Variants in DENND2C observed in about 807,000 individuals in gnomAD.
DENND2C encodes DENN domain containing 2C.
DENND2C carries 72 observed loss-of-function variants against 112.4 expected under a neutral mutation model. That is an observed-to-expected ratio of 0.64 (90% CI 0.53 to 0.78). The LOEUF is 0.78. Ranked by LOEUF, DENND2C falls within the 30% of genes least tolerant of loss-of-function variation. The pLI is 0.00. For missense variants in DENND2C, 992 were observed against 1,113.8 expected (o/e 0.89, Z 1.56); for synonymous variants, 329 against 381.6 (o/e 0.86, Z 1.61).
chr1:114,663,593 G>A (rs532869703), intron 1 of DENND2C, among the ~76,000 whole-genome samples: 2 of 152,288 alleles, frequency 1.3e-5, no homozygotes, highest in South Asian at 2.1e-4. Flanking sequence ...GATCCGTTAA[G>A]GTTGGCAGAC....
intron 6 of DENND2C, 24 bp from the exon 7 acceptor site, chr1:114,622,089 G>C (rs1299447608): frequency 1.3e-6 from 2 of 1,501,864 alleles, no homozygotes; most frequent in African/African-American, 2.8e-5. Context: ...AGATGTACTG[G>C]TAAGATCACC....
intron 1 of DENND2C, among the ~76,000 whole-genome samples, chr1:114,666,502 C>A (rs1053553064): frequency 6.6e-6 from 1 of 152,142 alleles, no homozygotes; most frequent in African/African-American, 2.4e-5. Context: ...TGTTGCCAGG[C>A]TGGAGTGCAG....
At chr1:114,669,423 C>CA (rs2101705745) in intron 1 of DENND2C, among the ~76,000 whole-genome samples, 1 of 152,302 alleles carries the variant, frequency 6.6e-6, no homozygotes, top group Admixed American at 6.5e-5. Context: ...AGCTGCTATA[C>CA]AGCTCTAGTT....
chr1:114,654,948 T>C (rs940019872), intron 1 of DENND2C, among the ~76,000 whole-genome samples, 187 bp from the exon 2 acceptor site: 4 of 152,142 alleles, frequency 2.6e-5, no homozygotes, highest in African/African-American at 9.7e-5. Flanking sequence ...ACGCTCTATT[T>C]AAGCAGCCTT....
intron 11 of DENND2C, among the ~76,000 whole-genome samples, chr1:114,603,847 C>T (rs908058999): frequency 5.3e-5 from 8 of 152,106 alleles, no homozygotes; most frequent in Non-Finnish European, 8.8e-5. Flanking sequence ...TAAATCCAAA[C>T]TTGAACAATA....
intron 2 of DENND2C, among the ~76,000 whole-genome samples, chr1:114,647,294 TTC>T (rs1294280319): frequency 1.3e-5 from 2 of 152,168 alleles, no homozygotes; most frequent in Admixed American, 6.6e-5. Context: ...GAAGAATTAT[TTC>T]TTTTTTAATT....
chr1:114,624,435 A>G (rs1230827556), intron 4 of DENND2C, among the ~76,000 whole-genome samples: 3 of 151,230 alleles, frequency 2.0e-5, no homozygotes, highest in Non-Finnish European at 4.4e-5. Context: ...CGACAGGAAC[A>G]CATCACTACA....
At chr1:114,619,686 AAAAT>A (rs1239130750) in intron 7 of DENND2C, among the ~76,000 whole-genome samples, 1 of 152,226 alleles carries the variant, frequency 6.6e-6, no homozygotes. Flanking sequence ...AAGAGAATCT[AAAAT>A]AAAAAAGTAC....
chr1:114,638,043 A>C (rs1003884105), intron 3 of DENND2C, among the ~76,000 whole-genome samples: 2 of 152,206 alleles, frequency 1.3e-5, no homozygotes, highest in Non-Finnish European at 2.9e-5. Flanking sequence ...ACCTGATTTT[A>C]AGACTTATAA....
chr1:114,618,872 G>T (rs1656077737), intron 7 of DENND2C, among the ~76,000 whole-genome samples: 2 of 152,168 alleles, frequency 1.3e-5, no homozygotes, highest in African/African-American at 4.8e-5. Flanking sequence ...GAAAGGCAGG[G>T]TGAGGTATAG....
intron 3 of DENND2C, among the ~76,000 whole-genome samples, chr1:114,632,493 T>C (rs1656517374): frequency 6.6e-6 from 1 of 151,918 alleles, no homozygotes; most frequent in Non-Finnish European, 1.5e-5. Context: ...AACCAACAAC[T>C]GCAAATCTAG....
At chr1:114,639,648 G>GTTC (rs946140049) in intron 3 of DENND2C, among the ~76,000 whole-genome samples, 1 of 148,976 alleles carries the variant, frequency 6.7e-6, no homozygotes, top group Non-Finnish European at 1.5e-5. Flanking sequence ...TTTCTATTTG[G>GTTC]TTCTTTTTTT....
At chr1:114,623,243 C>A in intron 5 of DENND2C, 144 bp from the exon 6 acceptor site, 1 of 752,514 alleles carries the variant, frequency 1.3e-6, no homozygotes, top group Non-Finnish European at 2.1e-6. Context: ...AGATCAACAG[C>A]AATTTAAGCT....
At chr1:114,642,619 C>G (rs1656872408) in intron 3 of DENND2C, among the ~76,000 whole-genome samples, 1 of 152,142 alleles carries the variant, frequency 6.6e-6, no homozygotes, top group Non-Finnish European at 1.5e-5. Context: ...ACCATATTAA[C>G]TCACCTAATT....
chr1:114,611,904 C>T (rs1351999818), intron 8 of DENND2C, among the ~76,000 whole-genome samples: 1 of 151,560 alleles, frequency 6.6e-6, no homozygotes, highest in Non-Finnish European at 1.5e-5. Flanking sequence ...AAAATAAGGC[C>T]TAGAAGTCAT....
Position 114,640,891 on chromosome 1 carries a change from T to C in DENND2C, c.-205+4557A>G, listed in dbSNP as rs1273880478. 3.3e-5 allele frequency among the ~76,000 whole-genome samples: 5 copies of C among 152,170 alleles called. No homozygotes were observed. The East Asian group carries it at 7.7e-4, about 23-fold the overall frequency. ...GCAGATATTTTAATAACAAACAGCC[T>C]TTGATTTTTTAATTAAAGCTATTTA... is the stretch of plus-strand genomic sequence containing the variant. On this transcript the variant is annotated intron_variant, in intron 3 of 20. Transcript: ENST00000393274.
At chr1:114,603,507 C>T (rs546093096) in intron 11 of DENND2C, among the ~76,000 whole-genome samples, 23 of 151,086 alleles carry the variant, frequency 1.5e-4, no homozygotes, top group African/African-American at 5.6e-4. Flanking sequence ...TTATTATCTA[C>T]CTTCTTTCCT....
At chr1:114,657,452 G>A (rs1657365730) in intron 1 of DENND2C, among the ~76,000 whole-genome samples, 2 of 152,092 alleles carry the variant, frequency 1.3e-5, no homozygotes, top group African/African-American at 4.8e-5. Flanking sequence ...TATCACAGAT[G>A]GCAGTTTAAG....
Position 114,625,378 on chromosome 1 carries a change from A to T in DENND2C, c.607T>A (p.Cys203Ser), listed in dbSNP as rs183201500. ...GGCAAAGGATTTATGGAAGGTCCAC[A>T]TTCTTGCCCCTCAGGTTCAGAGTAA... ...NIYSEPEGQECGPSINPLPKP... is the reference protein window; with the variant it reads ...NIYSEPEGQESGPSINPLPKP... The change falls in exon 4 of 21, where the codon TGT becomes AGT. Residue 203 changes from cysteine (C) to serine (S), a missense_variant. Cys to Ser is a moderately radical substitution (Grantham distance 112). Coordinates refer to ENST00000393274, the MANE Select transcript of DENND2C (RefSeq NM_001256404.2). 5.8e-5 allele frequency: 93 copies of T among 1,614,176 alleles called. No homozygotes were observed. In the East Asian group the frequency reaches 2.0e-3, roughly 34 times the overall value.
Sources: gnomAD v4.1 joint callset for allele counts (sites outside exome capture counted in the v4.1 genomes callset) on GRCh38, gnomAD v4.1.1 for gene constraint, MANE v1.5 for transcripts, NCBI Gene and HGNC (gene_info 2026-07-23, HGNC 2026-07-21) for gene names.